KDM4C: variants seen among roughly 807,000 people sequenced by gnomAD.
KDM4C encodes lysine-specific demethylase 4C.
KDM4C carries 81 observed loss-of-function variants against 129.3 expected under a neutral mutation model. The ratio of observed to expected loss-of-function variants is 0.63; its 90% CI spans 0.52 to 0.75. KDM4C has a LOEUF of 0.75. KDM4C is among the 30% of genes least tolerant of loss of function. KDM4C has a pLI of 0.00. For missense variants in KDM4C, 1,457 were observed against 1,304.0 expected (o/e 1.12, Z -1.81); for synonymous variants, 573 against 456.1 (o/e 1.26, Z -3.26).
chr9:6,974,383 G>C (rs138900677), intron 8 of KDM4C, among the ~76,000 whole-genome samples: 1 of 152,084 alleles, frequency 6.6e-6, no homozygotes, highest in African/African-American at 2.4e-5. Flanking sequence ...CTTTTGAGAC[G>C]GAGTCTTACT....
intron 21 of KDM4C, chr9:7,170,918 T>TA (rs59497112): frequency 1.2e-3 from 143 of 117,060 alleles, no homozygotes; most frequent in African/African-American, 2.2e-3. Flanking sequence ...GATGAGCTAC[T>TA]AAAAAAAAAA....
chr9:7,153,624 T>A (rs1184149207), intron 19 of KDM4C, among the ~76,000 whole-genome samples: 1 of 152,126 alleles, frequency 6.6e-6, no homozygotes, highest in East Asian at 1.9e-4. Flanking sequence ...CATTGTTAAG[T>A]GAGAGGTTTC....
At chr9:7,105,638 T>G (rs890776010) in intron 18 of KDM4C, 17 of 352,176 alleles carry the variant, frequency 4.8e-5, no homozygotes, top group Admixed American at 1.4e-4. Context: ...TATTATTTGG[T>G]GAATTCCAAA....
chr9:6,861,009 T>C (rs1840826435), intron 5 of KDM4C, among the ~76,000 whole-genome samples: 1 of 152,222 alleles, frequency 6.6e-6, no homozygotes, highest in African/African-American at 2.4e-5. Context: ...CTTAAGTTAT[T>C]GTAAAAGCAT....
At position 6,863,592 on chromosome 9, in the gene KDM4C, C is replaced by G. The variant is rs188856292; in HGVS notation, c.629+13892C>G. Reference sequence around the variant, plus strand: ...TGGGCGGATCACGAGGTCAGGAGATCGAGACCATCCTGGCTAACACGGTGA... The same window carrying G: ...TGGGCGGATCACGAGGTCAGGAGATGGAGACCATCCTGGCTAACACGGTGA... On this transcript the variant is annotated intron_variant, in intron 5 of 21. Coordinates refer to ENST00000381309, the MANE Select transcript of KDM4C (RefSeq NM_015061.6). 3.9e-3 allele frequency among the ~76,000 whole-genome samples: 588 copies of G among 151,928 alleles called. 8 individuals carry two copies. Among genetic ancestry groups the G allele is most frequent in the African/African-American group, 0.013 (559 of 41,426 alleles).
intron 15 of KDM4C, among the ~76,000 whole-genome samples, chr9:7,038,634 T>C (rs1370650856): frequency 6.6e-6 from 1 of 152,074 alleles, no homozygotes; most frequent in Non-Finnish European, 1.5e-5. Flanking sequence ...AATGAAATTA[T>C]AGTCGTTATA....
chr9:6,800,174 C>T (rs1031256493), intron 2 of KDM4C, among the ~76,000 whole-genome samples: 2 of 152,046 alleles, frequency 1.3e-5, no homozygotes, highest in Non-Finnish European at 2.9e-5. Context: ...TTGAGACCAA[C>T]CTGGACAAAT....
intron 7 of KDM4C, among the ~76,000 whole-genome samples, chr9:6,890,111 C>A (rs1239686293): frequency 6.6e-6 from 1 of 152,192 alleles, no homozygotes; most frequent in Non-Finnish European, 1.5e-5. Context: ...CAACACAGGG[C>A]CTGTCATGAC....
intron 1 of KDM4C, among the ~76,000 whole-genome samples, chr9:6,780,485 G>A (rs541978388): frequency 1.3e-5 from 2 of 151,846 alleles, no homozygotes; most frequent in East Asian, 3.9e-4. Context: ...AAGAGAAATT[G>A]GCCAGGTGCT....
chr9:7,094,473 A>G (rs949804860), intron 17 of KDM4C, among the ~76,000 whole-genome samples: 1 of 152,242 alleles, frequency 6.6e-6, no homozygotes, highest in South Asian at 2.1e-4. Context: ...GGAAACCCCA[A>G]ATTTATCTCA....
chr9:6,875,169 G>A (rs987856889), intron 5 of KDM4C, among the ~76,000 whole-genome samples: 7 of 152,100 alleles, frequency 4.6e-5, no homozygotes, highest in Admixed American at 2.6e-4. Context: ...GGAGGAGCAG[G>A]AATATGGTTT....
chr9:6,989,978 A>G (rs1043389316), intron 11 of KDM4C, among the ~76,000 whole-genome samples: 14 of 150,104 alleles, frequency 9.3e-5, no homozygotes, highest in South Asian at 4.2e-4. Context: ...GAGTCTCCCT[A>G]TGTTGCCCAG....
intron 15 of KDM4C, among the ~76,000 whole-genome samples, chr9:7,045,550 T>A (rs542787154): frequency 1.2e-4 from 18 of 152,184 alleles, no homozygotes; most frequent in African/African-American, 3.9e-4. Context: ...TTGCTTGTTG[T>A]GATTCATCAA....
At chr9:6,782,869 G>A (rs893739274) in intron 1 of KDM4C, among the ~76,000 whole-genome samples, 1 of 152,118 alleles carries the variant, frequency 6.6e-6, no homozygotes, top group Non-Finnish European at 1.5e-5. Context: ...AAGACTCTTG[G>A]GGTGGTTGAA....
chr9:6,769,327 T>C (rs1222774268), intron 1 of KDM4C, among the ~76,000 whole-genome samples: 1 of 152,152 alleles, frequency 6.6e-6, no homozygotes, highest in African/African-American at 2.4e-5. Flanking sequence ...GGCTTTGGTG[T>C]GATCTTTTTC....
rs146455537 is a variant in KDM4C at position 7,141,636 on chromosome 9, C to T, written c.2781+13400C>T. Among the ~76,000 whole-genome samples the T allele has an allele frequency of 3.7e-3, 565 of 152,240 alleles. 7 individuals are homozygous for T. The highest frequency in any genetic ancestry group is 0.012 in the African/African-American group (502 of 41,540). On this transcript the variant is annotated intron_variant, in intron 19 of 21. Transcript: ENST00000381309. ...CACCTGTCATTGAGATAGGGAACTT[C>T]GGAAGAAGCCCAGACTTCCAGGCCC... is the stretch of plus-strand genomic sequence containing the variant.
intron 17 of KDM4C, among the ~76,000 whole-genome samples, chr9:7,070,568 T>G (rs1833056415): frequency 6.6e-6 from 1 of 152,124 alleles, no homozygotes; most frequent in Non-Finnish European, 1.5e-5. Context: ...CTTTTTAAAA[T>G]CAATCAATGT....
intron 5 of KDM4C, among the ~76,000 whole-genome samples, chr9:6,871,515 TGTTAGCA>T (rs1472902074): frequency 1.4e-4 from 22 of 152,366 alleles, no homozygotes; most frequent in African/African-American, 5.3e-4. Context: ...AGTTTTTTAG[TGTTAGCA>T]GTACTTGAGC....
intron 12 of KDM4C, among the ~76,000 whole-genome samples, chr9:7,011,388 C>T (rs1822661453): frequency 6.6e-6 from 1 of 152,062 alleles, no homozygotes; most frequent in African/African-American, 2.4e-5. Context: ...TTTACCGTAG[C>T]AGTAGAGACA....
Sources: gnomAD v4.1 joint callset for allele counts (sites outside exome capture counted in the v4.1 genomes callset) on GRCh38, gnomAD v4.1.1 for gene constraint, MANE v1.5 for transcripts, NCBI Gene and HGNC (gene_info 2026-07-23, HGNC 2026-07-21) for gene names.